The following NOMO1 variants were observed in gnomAD, a reference collection of about 807,000 sequenced individuals.
NOMO1 encodes NODAL modulator 1.
Under a neutral mutation model 133.8 loss-of-function variants are expected in NOMO1, and 40 were observed. The observed-to-expected ratio is 0.30, with a 90% CI of 0.23 to 0.39. NOMO1 has a LOEUF of 0.39. Ranked by LOEUF, NOMO1 falls within the 10% of genes least tolerant of loss-of-function variation. The probability of loss-of-function intolerance (pLI) is 1.00; values close to 1 mark genes in which losing one functional copy is unlikely to be tolerated. For synonymous variants in NOMO1, 236 were observed against 570.5 expected (o/e 0.41, Z 8.36); for missense variants, 462 against 1,419.9 (o/e 0.33, Z 10.84).
rs367733797 is a variant in NOMO1, at chr16:14,845,299, T to C, written c.402+525T>C. ...GTGATCCGCCTGCCTCCACTTCCCA[T>C]AGTGCTGGGATTACAGGTGTACGCT... On this transcript the variant is annotated intron_variant, in intron 4 of 30. Transcript: ENST00000287667. 2.0e-5 allele frequency among the ~76,000 whole-genome samples: 3 copies of C among 152,072 alleles called. No homozygotes were observed. In the East Asian group the frequency reaches 5.8e-4, roughly 29 times the overall value.
intron 24 of NOMO1, among the ~76,000 whole-genome samples, chr16:14,880,503 T>C (rs2151008638): frequency 6.6e-6 from 1 of 151,768 alleles, no homozygotes; most frequent in Admixed American, 6.5e-5. Context: ...GCAATTCTCT[T>C]GTCCTGGCCT....
In NOMO1 at chr16:14,876,695, A is replaced by C; in HGVS notation, c.2548A>C (p.Thr850Pro). The C allele has an allele frequency of 1.2e-6, 2 of 1,610,762 alleles. No homozygotes were observed. The highest frequency in any genetic ancestry group is 1.7e-6 in the Non-Finnish European group (2 of 1,179,698). The change falls in exon 22 of 31, where the codon ACG (threonine) becomes CCG (proline). Residue 850 changes from threonine to proline, a missense_variant. Coordinates refer to ENST00000287667, the MANE Select transcript of NOMO1 (RefSeq NM_014287.4). ...CCCCCTGCACAGTGACCTGGAGTAC[A>C]CGGTGACCTCACAGAAGGAGGGCTA... ...VGPLHSDLEY[T>P]VTSQKEGYVL...
At chr16:14,860,830 A>C (rs934368909) in intron 11 of NOMO1, among the ~76,000 whole-genome samples, 14 of 152,000 alleles carry the variant, frequency 9.2e-5, no homozygotes, top group African/African-American at 3.4e-4. Context: ...TTTTTAGCAC[A>C]CTGATACTTC....
At chr16:14,891,485 TAGGA>T (rs1964404869) in intron 29 of NOMO1, among the ~76,000 whole-genome samples, 1 of 152,108 alleles carries the variant, frequency 6.6e-6, no homozygotes, top group East Asian at 1.9e-4. Flanking sequence ...TTTAGAGTCA[TAGGA>T]AGGTTTTCTT....
rs1297211091 is a variant in NOMO1 at position 14,853,693 on chromosome 16, T to C, written c.873+89T>C. Reference sequence around the variant, plus strand: ...GCTGTTTGGGTGTTAAAGGAAAAGATGGTTGGCCTGCAGTTCTCTGAACAC... The same window carrying C: ...GCTGTTTGGGTGTTAAAGGAAAAGACGGTTGGCCTGCAGTTCTCTGAACAC... On this transcript the variant is annotated intron_variant, in intron 8 of 30. Transcript: ENST00000287667. 279 of 1,561,152 alleles carry C rather than the reference T, an allele frequency of 1.8e-4. 1 individual carries two copies. Among genetic ancestry groups the C allele is most frequent in the Non-Finnish European group, 2.3e-4 (266 of 1,137,538 alleles).
intron 11 of NOMO1, among the ~76,000 whole-genome samples, chr16:14,860,420 G>T (rs1597100614): frequency 6.6e-6 from 1 of 151,706 alleles, no homozygotes; most frequent in Non-Finnish European, 1.5e-5. Flanking sequence ...AGGGATCATG[G>T]TACTTTAAAA....
intron 4 of NOMO1, among the ~76,000 whole-genome samples, chr16:14,846,273 T>C (rs1963679943): frequency 6.6e-6 from 1 of 151,154 alleles, no homozygotes; most frequent in East Asian, 1.9e-4. Flanking sequence ...GTGGTCTGCC[T>C]GCCTCAGCCT....
rs753175664 is a variant in NOMO1, at chr16:14,866,512, T to G, written c.1670-43T>G. On this transcript the variant is annotated intron_variant, in intron 14 of 30. Coordinates refer to ENST00000287667, the MANE Select transcript of NOMO1 (RefSeq NM_014287.4). The stretch of plus-strand genomic sequence containing the variant: ...TCTGGTGGCGTGGAGGGAGGTGGTG[T>G]GCTCCACGCCCATGTATCCGTTTTT... 28 of 1,610,214 alleles carry G rather than the reference T, an allele frequency of 1.7e-5. 1 individual carries two copies. The South Asian group carries it at 3.0e-4, about 17-fold the overall frequency.
intron 6 of NOMO1, among the ~76,000 whole-genome samples, chr16:14,850,850 G>A (rs1354663952): frequency 6.6e-6 from 1 of 151,830 alleles, no homozygotes; most frequent in African/African-American, 2.4e-5. Flanking sequence ...GGGAGGCTGA[G>A]GTGGGTGGAT....
intron 2 of NOMO1, among the ~76,000 whole-genome samples, chr16:14,839,006 C>T (rs1468155437): frequency 2.0e-5 from 3 of 151,724 alleles, no homozygotes; most frequent in Non-Finnish European, 4.4e-5. Context: ...ATTTTACCTC[C>T]CTCTGTAGTG....
intron 1 of NOMO1, among the ~76,000 whole-genome samples, chr16:14,836,674 A>T (rs556777462): frequency 6.6e-5 from 10 of 151,620 alleles, no homozygotes; most frequent in Non-Finnish European, 1.2e-4. Flanking sequence ...ATAGTAATAC[A>T]AACTGCTTTT....
intron 14 of NOMO1, 73 bp from the exon 15 acceptor site, chr16:14,866,482 T>C (rs1597103853): frequency 6.2e-6 from 10 of 1,609,648 alleles, no homozygotes; most frequent in East Asian, 4.5e-5. Flanking sequence ...TTCATGATCA[T>C]TGTTTCTGGT....
At chr16:14,846,946 A>C (rs1479295287) in intron 5 of NOMO1, among the ~76,000 whole-genome samples, 1 of 151,352 alleles carries the variant, frequency 6.6e-6, no homozygotes, top group Non-Finnish European at 1.5e-5. Context: ...TAATGCCAGC[A>C]CTTTGGGAGG....
chr16:14,839,482 A>G (rs1293489367), intron 2 of NOMO1, among the ~76,000 whole-genome samples: 2 of 152,034 alleles, frequency 1.3e-5, no homozygotes, highest in African/African-American at 2.4e-5. Flanking sequence ...ATCGATATGT[A>G]TCCACAAACA....
intron 27 of NOMO1, among the ~76,000 whole-genome samples, chr16:14,885,336 A>G (rs1312198916): frequency 1.3e-5 from 2 of 151,652 alleles, no homozygotes; most frequent in Non-Finnish European, 2.9e-5. Flanking sequence ...CAGTCACTTC[A>G]TTTCCACATG....
chr16:14,884,600 C>T (rs1964294926), intron 27 of NOMO1, 118 bp downstream of exon 27: 1 of 1,487,114 alleles, frequency 6.7e-7, no homozygotes, highest in Admixed American at 1.8e-5. Flanking sequence ...GGTGGAGGTG[C>T]TCCAGAGCGC....
At chr16:14,873,419 G>A (rs1270196467) in intron 18 of NOMO1, among the ~76,000 whole-genome samples, 1 of 138,296 alleles carries the variant, frequency 7.2e-6, no homozygotes, top group African/African-American at 2.6e-5. Context: ...GATGGAGAGC[G>A]ACGGACTGGT....
Position 14,864,630 on chromosome 16 carries a change from C to G in NOMO1, c.1441C>G (p.Pro481Ala). Residue 481 changes from proline (P) to alanine (A), a missense_variant, in exon 13 of 31, where the codon CCC becomes GCC. Coordinates refer to ENST00000287667, the MANE Select transcript of NOMO1 (RefSeq NM_014287.4). ...AACCAGAGCAGGGCTGACGTTGAAA[C>G]CCCAGACATTTCCTCTTACTGTGAC... ...AETRAGLTLKPQTFPLTVTNR... is the reference protein window; with the variant it reads ...AETRAGLTLKAQTFPLTVTNR... 1.2e-6 allele frequency: 2 copies of G among 1,613,180 alleles called. No individual in the cohort carries two copies. Among genetic ancestry groups the G allele is most frequent in the Admixed American group, 1.7e-5 (1 of 59,964 alleles).
rs572649398 is a variant in NOMO1 at position 14,882,799 on chromosome 16, G to A, written c.3111+122G>A. 8 of 1,531,072 alleles carry A rather than the reference G, an allele frequency of 5.2e-6. 1 individual carries two copies. In the African/African-American group the frequency reaches 8.2e-5, roughly 16 times the overall value. The allele number at this position is 1,531,072 out of a possible 1,614,324, so 94.8% of individuals were successfully genotyped here. On this transcript the variant is annotated intron_variant, in intron 26 of 30. Coordinates refer to ENST00000287667, the MANE Select transcript of NOMO1 (RefSeq NM_014287.4). ...GGGGGGAACTTTCATCCTAATTAAG[G>A]GTCCTCTTAGAATAGTGTCATCTTC...
Sources: gnomAD v4.1 joint callset for allele counts (sites outside exome capture counted in the v4.1 genomes callset) on GRCh38, gnomAD v4.1.1 for gene constraint, MANE v1.5 for transcripts, NCBI Gene and HGNC (gene_info 2026-07-23, HGNC 2026-07-21) for gene names.